KIF13A: variants seen among roughly 807,000 people sequenced by gnomAD.
The protein encoded by KIF13A is kinesin-like protein KIF13A.
KIF13A carries 79 observed loss-of-function variants against 212.2 expected under a neutral mutation model. The observed-to-expected ratio is 0.37, with a 90% CI of 0.31 to 0.45. The LOEUF is 0.45. KIF13A is among the 20% of genes least tolerant of loss of function. The pLI is 1.00. For synonymous variants in KIF13A, 789 were observed against 808.6 expected (o/e 0.98, Z 0.41); for missense variants, 1,901 against 2,209.0 (o/e 0.86, Z 2.79).
Position 17,984,182 on chromosome 6 carries a change from T to C in KIF13A, c.146+2872A>G, listed in dbSNP as rs1781347307. Among the ~76,000 whole-genome samples the C allele has an allele frequency of 6.6e-6, 1 of 152,212 alleles. No homozygotes were observed. Among genetic ancestry groups the C allele is most frequent in the African/African-American group, 2.4e-5 (1 of 41,450 alleles). On this transcript the variant is annotated intron_variant, in intron 2 of 38. Transcript: ENST00000259711. This position sits in a 1 kb window ranked among gnomAD's most constrained non-coding sequence, Gnocchi z 5.0. The stretch of plus-strand genomic sequence containing the variant: ...TATGTGGTTCATGAAATGGCAAAAG[T>C]ATACACCAGCGTAATTTACCACGTT...
chr6:17,780,929 G>C (rs748412851), intron 30 of KIF13A, 23 bp from the exon 31 acceptor site: 1 of 1,605,164 alleles, frequency 6.2e-7, no homozygotes, highest in Non-Finnish European at 8.5e-7. Flanking sequence ...GAATGATGAG[G>C]AGATGGAAAC....
At chr6:17,867,470 A>C (rs1302229309) in intron 4 of KIF13A, among the ~76,000 whole-genome samples, 1 of 152,228 alleles carries the variant, frequency 6.6e-6, no homozygotes. Context: ...GTTTAAACCC[A>C]ATAGCTAACA....
chr6:17,841,648 C>T (rs1234101098), intron 9 of KIF13A, among the ~76,000 whole-genome samples: 1 of 152,130 alleles, frequency 6.6e-6, no homozygotes, highest in Non-Finnish European at 1.5e-5. Context: ...AGAAGTGTAT[C>T]ATTAGTAGAA....
At chr6:17,810,528 C>T (rs1023991668) in intron 17 of KIF13A, among the ~76,000 whole-genome samples, 3 of 152,144 alleles carry the variant, frequency 2.0e-5, no homozygotes, top group African/African-American at 7.2e-5. Flanking sequence ...TTTCCATGGA[C>T]CGAGGTTGGG....
intron 4 of KIF13A, among the ~76,000 whole-genome samples, chr6:17,861,468 A>G (rs1377675645): frequency 6.6e-6 from 1 of 152,158 alleles, no homozygotes; most frequent in Non-Finnish European, 1.5e-5. Context: ...TTTTTCTGCA[A>G]TGTTTATTCT....
chr6:17,986,331 T>C (rs1302016315), intron 2 of KIF13A, among the ~76,000 whole-genome samples: 1 of 152,220 alleles, frequency 6.6e-6, no homozygotes, highest in African/African-American at 2.4e-5. Flanking sequence ...CCCATACTGT[T>C]GCATGGAACA....
intron 2 of KIF13A, among the ~76,000 whole-genome samples, chr6:17,908,836 C>T (rs907216879): frequency 5.9e-5 from 9 of 152,158 alleles, no homozygotes; most frequent in African/African-American, 2.2e-4. Flanking sequence ...TTCCTTCTGG[C>T]ATAACTGTAT....
chr6:17,768,886 A>G lies in KIF13A; in HGVS notation c.4581+2228T>C, dbSNP rs568582241. On this transcript the variant is annotated intron_variant, in intron 38 of 38. Transcript: ENST00000259711. The surrounding 1 kb of genome is among the most constrained non-coding windows in gnomAD (Gnocchi z 5.4). ...AAAGGCATATTGTTGCTTCTGTCTTAGTCATGAGACATGAAGTACATCTGT... is the reference window on the plus strand; with the variant it reads ...AAAGGCATATTGTTGCTTCTGTCTTGGTCATGAGACATGAAGTACATCTGT... Among the ~76,000 whole-genome samples, 7 of 150,276 alleles carry G rather than the reference A, an allele frequency of 4.7e-5. No homozygotes were observed. Among genetic ancestry groups the G allele is most frequent in the Non-Finnish European group, 1.0e-4 (7 of 66,686 alleles).
rs1355811246 is a variant in KIF13A, at chr6:17,855,521, T to C, written c.410A>G (p.Gln137Arg). 1 of 1,613,894 alleles carries C rather than the reference T, an allele frequency of 6.2e-7. No homozygotes were observed. Among genetic ancestry groups the C allele is most frequent in the South Asian group, 1.1e-5 (1 of 91,072 alleles). The part of the protein sequence containing the change: ...CALFKRISLE[Q>R]NESQTFKVEV... ...AACTTTAAAGGTCTGTGACTCATTT[T>C]GCTCCAAAGAGATCCTTTTAAATAA... The change falls in exon 6 of 39, where the codon CAA becomes CGA. Residue 137 changes from glutamine to arginine, a missense_variant. This residue lies in a region of KIF13A where 506 missense variants were observed against 637.4 expected (regional missense o/e 0.79). Transcript: ENST00000259711. The surrounding 1 kb of genome is among the most constrained non-coding windows in gnomAD (Gnocchi z 4.1).
rs1025970242 is a variant in KIF13A, at chr6:17,843,652, A to T, written c.830+5725T>A. Among the ~76,000 whole-genome samples the T allele has an allele frequency of 2.0e-5, 3 of 152,240 alleles. No homozygotes were observed. The highest frequency in any genetic ancestry group is 1.5e-5 in the Non-Finnish European group (1 of 68,052). On this transcript the variant is annotated intron_variant, in intron 9 of 38. Coordinates refer to ENST00000259711, the MANE Select transcript of KIF13A (RefSeq NM_022113.6). This position sits in a 1 kb window ranked among gnomAD's most constrained non-coding sequence, Gnocchi z 5.3. ...GTGTGCATTTCTGAGGTGCTGTACC[A>T]GCCTCTGGACTTCCTGTTAAATGAG...
chr6:17,870,935 G>A (rs1445766934), intron 4 of KIF13A, among the ~76,000 whole-genome samples: 1 of 152,124 alleles, frequency 6.6e-6, no homozygotes, highest in Non-Finnish European at 1.5e-5. Flanking sequence ...CATAGCATAG[G>A]TATTGCCATT....
chr6:17,901,515 C>A (rs980073082), intron 2 of KIF13A, among the ~76,000 whole-genome samples: 7 of 152,190 alleles, frequency 4.6e-5, no homozygotes, highest in African/African-American at 1.7e-4. Flanking sequence ...CAGCAGCCAA[C>A]TGAGCATTAG....
At chr6:17,916,969 A>G (rs1297189370) in intron 2 of KIF13A, among the ~76,000 whole-genome samples, 1 of 151,896 alleles carries the variant, frequency 6.6e-6, no homozygotes, top group Non-Finnish European at 1.5e-5. Context: ...ACAACAAGCT[A>G]TAAATAAAGC....
intron 23 of KIF13A, among the ~76,000 whole-genome samples, chr6:17,795,623 A>C (rs1761968377): frequency 6.6e-6 from 1 of 151,366 alleles, no homozygotes; most frequent in Admixed American, 6.6e-5. Context: ...AACATTGTGT[A>C]CAATTCTATT....
intron 2 of KIF13A, among the ~76,000 whole-genome samples, chr6:17,933,587 A>G (rs1255670981): frequency 5.3e-5 from 8 of 152,058 alleles, no homozygotes; most frequent in Admixed American, 5.2e-4. Context: ...ACTAAATGGG[A>G]CATAAGAAGG....
In KIF13A at chr6:17,765,345, G is replaced by T. The variant is rs145727434; in HGVS notation, c.4582-399C>A. On this transcript the variant is annotated intron_variant, in intron 38 of 38. Coordinates refer to ENST00000259711, the MANE Select transcript of KIF13A (RefSeq NM_022113.6). ...ATGAGCAGAGAAACAGGCAGAAGCAGAGAAGAGCCACTCCTTTTGTCTTTA... is the reference window on the plus strand; with the variant it reads ...ATGAGCAGAGAAACAGGCAGAAGCATAGAAGAGCCACTCCTTTTGTCTTTA... Among the ~76,000 whole-genome samples, 188 of 152,326 alleles carry T rather than the reference G, an allele frequency of 1.2e-3. 1 individual carries two copies. The highest frequency in any genetic ancestry group is 2.8e-3 in the Admixed American group (43 of 15,292).
chr6:17,867,671 A>G (rs1044267397), intron 4 of KIF13A, among the ~76,000 whole-genome samples: 2 of 152,206 alleles, frequency 1.3e-5, no homozygotes, highest in African/African-American at 4.8e-5. Flanking sequence ...ACTACTAGAA[A>G]AAAGACTTCA....
rs1766726521 is a variant in KIF13A, at chr6:17,843,568, G to GAT, written c.830+5807_830+5808dup. Among the ~76,000 whole-genome samples the GAT allele has an allele frequency of 6.6e-6, 1 of 152,188 alleles. No individual in the cohort carries two copies. Among genetic ancestry groups the GAT allele is most frequent in the Non-Finnish European group, 1.5e-5 (1 of 68,032 alleles). On this transcript the variant is annotated intron_variant, in intron 9 of 38. Coordinates refer to ENST00000259711, the MANE Select transcript of KIF13A (RefSeq NM_022113.6). The surrounding 1 kb of genome is among the most constrained non-coding windows in gnomAD (Gnocchi z 5.3). ...CAGATATGGATACGATGTTTGGAATGATAGAGCTATCCTGAGATCATGAAG... is the reference window on the plus strand; with the variant it reads ...CAGATATGGATACGATGTTTGGAATGATATAGAGCTATCCTGAGATCATGAAG...
chr6:17,975,464 C>A (rs1780296147), intron 2 of KIF13A, among the ~76,000 whole-genome samples: 2 of 152,094 alleles, frequency 1.3e-5, no homozygotes, highest in Non-Finnish European at 2.9e-5. Flanking sequence ...AGCTACAGAC[C>A]TTCAGCGGTG....
Sources: gnomAD v4.1 joint callset for allele counts (sites outside exome capture counted in the v4.1 genomes callset) on GRCh38, gnomAD v4.1.1 for gene constraint, gnomAD v4.1.1 regional missense constraint, Gnocchi (gnomAD v3.1) non-coding constraint, MANE v1.5 for transcripts, NCBI Gene and HGNC (gene_info 2026-07-23, HGNC 2026-07-21) for gene names.